Variants in MID1 observed in about 807,000 individuals in gnomAD.
MID1 encodes the protein midline 1.
A neutral mutation model predicts 40.4 loss-of-function variants in MID1; 7 were observed. The observed-to-expected ratio is 0.17, with a 90% CI of 0.10 to 0.33. The LOEUF (loss-of-function observed/expected upper bound fraction) is 0.33. Ranked by LOEUF, MID1 falls within the 10% of genes least tolerant of loss-of-function variation. MID1 has a pLI of 1.00. For synonymous variants in MID1, 229 were observed against 221.2 expected (o/e 1.04, Z -0.31); for missense variants, 367 against 558.5 (o/e 0.66, Z 3.46).
intron 1 of MID1, among the ~76,000 whole-genome samples, chrX:10,831,283 T>C (rs1409257441): frequency 8.9e-6 from 1 of 112,097 alleles, no homozygotes; most frequent in African/African-American, 3.2e-5. Context: ...CAAACCATAC[T>C]TCATATGGTG....
At chrX:10,661,602 C>G (rs754093659) in intron 1 of MID1, among the ~76,000 whole-genome samples, 1 of 110,880 alleles carries the variant, frequency 9.0e-6, no homozygotes, top group Non-Finnish European at 1.9e-5. Context: ...CATGAGCCAC[C>G]GCACCCGGCA....
At chrX:10,729,386 C>A (rs903234638) in intron 1 of MID1, among the ~76,000 whole-genome samples, 1 of 112,079 alleles carries the variant, frequency 8.9e-6, no homozygotes, top group Non-Finnish European at 1.9e-5. Context: ...TTACTTAAGT[C>A]ATGATTCTAA....
chrX:10,521,461 C>A (rs1370635448), intron 3 of MID1, among the ~76,000 whole-genome samples: 2 of 111,324 alleles, frequency 1.8e-5, no homozygotes, highest in Non-Finnish European at 3.8e-5. Flanking sequence ...AGCATTCTGA[C>A]AAATAGACAT....
In MID1 at chrX:10,553,271, A is replaced by T. The variant is rs367941480; in HGVS notation, c.660+13617T>A. 2.1e-3 allele frequency among the ~76,000 whole-genome samples: 222 copies of T among 107,280 alleles called. 1 individual carries two copies. Among genetic ancestry groups the T allele is most frequent in the Admixed American group, 5.2e-3 (52 of 10,055 alleles). 93.2% of individuals were successfully genotyped at this position (107,280 alleles called of 115,157 possible). A position where few individuals can be genotyped will look rare whatever the true frequency, so the allele number is the denominator to read the frequency against. On this transcript the variant is annotated intron_variant, in intron 2 of 9. Transcript: ENST00000317552. ...TAAAAAAAAAAAAAGAAATAAAAAA[A>T]ATATATATATATATGTATACACACA...
At chrX:10,631,155 G>T in intron 1 of MID1, among the ~76,000 whole-genome samples, 1 of 112,206 alleles carries the variant, frequency 8.9e-6, no homozygotes, top group Non-Finnish European at 1.9e-5. Context: ...GTGGCTGGCA[G>T]CACTGATGCT....
At chrX:10,732,863 CTTTT>C (rs34772528) in intron 1 of MID1, among the ~76,000 whole-genome samples, 27 of 55,572 alleles carry the variant, frequency 4.9e-4, no homozygotes, top group African/African-American at 1.5e-3. Context: ...TCTTCTTCTT[CTTTT>C]TTTTTTTTTT....
chrX:10,464,609 TC>T (rs774950042), intron 7 of MID1, among the ~76,000 whole-genome samples: 1 of 112,059 alleles, frequency 8.9e-6, no homozygotes, highest in Admixed American at 9.5e-5. Context: ...CTCCTTCATC[TC>T]TGCAATCAGG....
chrX:10,550,861 T>G (rs914423797), intron 2 of MID1, among the ~76,000 whole-genome samples: 8 of 110,820 alleles, frequency 7.2e-5, no homozygotes, highest in Non-Finnish European at 1.3e-4. Flanking sequence ...TGTATATTGC[T>G]AAGTTTACCC....
chrX:10,717,255 C>T (rs1328415824), intron 1 of MID1, among the ~76,000 whole-genome samples: 1 of 109,853 alleles, frequency 9.1e-6, no homozygotes, highest in African/African-American at 3.3e-5. Flanking sequence ...CTGGCAAATT[C>T]GATAAAGAGT....
intron 3 of MID1, among the ~76,000 whole-genome samples, chrX:10,508,705 GA>G (rs1931967570): frequency 8.9e-6 from 1 of 111,843 alleles, no homozygotes; most frequent in South Asian, 3.8e-4. Context: ...ATTTTTGCAA[GA>G]CAGAGGAAAT....
chrX:10,576,551 C>A (rs1569112676), intron 1 of MID1, among the ~76,000 whole-genome samples: 1 of 111,457 alleles, frequency 9.0e-6, no homozygotes, highest in Non-Finnish European at 1.9e-5. Context: ...TACAAGCAGA[C>A]AAGCACAAAG....
chrX:10,704,336 C>CT (rs1457121949), intron 1 of MID1, among the ~76,000 whole-genome samples: 1 of 111,380 alleles, frequency 9.0e-6, no homozygotes, highest in African/African-American at 3.3e-5. Context: ...TTTCTTATGA[C>CT]TTTTTTTCCT....
chrX:10,493,219 AG>A (rs1454956919), intron 4 of MID1, among the ~76,000 whole-genome samples: 1 of 112,220 alleles, frequency 8.9e-6, no homozygotes, highest in Non-Finnish European at 1.9e-5. Flanking sequence ...TATAAGAGAA[AG>A]GCAGGAAGGC....
rs756302685 is a variant in MID1 at position 10,775,417 on chromosome X, A to G, written c.-187+58137T>C. On this transcript the variant is annotated intron_variant, in intron 1 of 10. Transcript: ENST00000380785. The stretch of plus-strand genomic sequence containing the variant: ...ACATTAGACACCAAAGACCAAACAA[A>G]TCAGATGAGTTTTAGCTGCTTCTTG... 1.0e-3 allele frequency among the ~76,000 whole-genome samples: 116 copies of G among 111,269 alleles called. 1 individual carries two copies. The highest frequency in any genetic ancestry group is 1.7e-3 in the Non-Finnish European group (89 of 52,975).
intron 1 of MID1, among the ~76,000 whole-genome samples, chrX:10,668,618 C>T (rs1489683867): frequency 8.9e-6 from 1 of 112,387 alleles, no homozygotes; most frequent in Non-Finnish European, 1.9e-5. Flanking sequence ...GCAGTAGCTT[C>T]ACGCCTCTGT....
intron 1 of MID1, among the ~76,000 whole-genome samples, chrX:10,620,037 C>G (rs1422212443): frequency 8.9e-6 from 1 of 112,373 alleles, no homozygotes; most frequent in Non-Finnish European, 1.9e-5. Flanking sequence ...CTTGTAAGCC[C>G]TTTACAACGA....
intron 1 of MID1, among the ~76,000 whole-genome samples, chrX:10,580,630 T>C (rs1934987928): frequency 9.0e-6 from 1 of 111,707 alleles, no homozygotes; most frequent in Non-Finnish European, 1.9e-5. Context: ...GAATTATTAT[T>C]GTAGTCTCTA....
intron 1 of MID1, among the ~76,000 whole-genome samples, chrX:10,684,893 T>A (rs1352968303): frequency 2.7e-5 from 3 of 111,679 alleles, no homozygotes; most frequent in Non-Finnish European, 5.6e-5. Flanking sequence ...TACGGTTAAT[T>A]CCTGTTCCCA....
intron 4 of MID1, among the ~76,000 whole-genome samples, chrX:10,490,238 G>C (rs972981800): frequency 9.0e-6 from 1 of 111,308 alleles, no homozygotes; most frequent in Non-Finnish European, 1.9e-5. Flanking sequence ...TAGTTTTCAA[G>C]GTCTTTCAAG....
Sources: allele counts gnomAD v4.1 joint callset (sites outside exome capture counted in the v4.1 genomes callset), GRCh38; gene constraint gnomAD v4.1.1; transcripts MANE v1.5; gene names NCBI Gene and HGNC (gene_info 2026-07-23, HGNC 2026-07-21).